The following PDS5A variants were observed in gnomAD, a reference collection of about 807,000 sequenced individuals.
PDS5A encodes the protein PDS5 cohesin associated factor A, also known as sister chromatid cohesion protein PDS5 homolog A.
PDS5A carries 42 observed loss-of-function variants against 167.1 expected under a neutral mutation model. The observed-to-expected ratio is 0.25, with a 90% CI of 0.20 to 0.33. The LOEUF is 0.33. Ranked by LOEUF, PDS5A falls within the 10% of genes least tolerant of loss-of-function variation. PDS5A has a pLI of 1.00. For synonymous variants in PDS5A, 553 were observed against 554.6 expected, an observed-to-expected ratio of 1.00 and a Z score of 0.04; for missense variants, 1,033 against 1,605.9, an observed-to-expected ratio of 0.64 and a Z score of 6.10.
At chr4:39,878,735 T>C (rs7679796) in intron 18 of PDS5A, among the ~76,000 whole-genome samples, 68,917 of 152,010 alleles carry the variant, frequency 0.45, 16,115 homozygotes, top group South Asian at 0.56. Context: ...TCAATTCTAT[T>C]AATGAAATGA....
At chr4:39,950,675 G>C (rs956868573) in intron 2 of PDS5A, among the ~76,000 whole-genome samples, 3 of 151,974 alleles carry the variant, frequency 2.0e-5, no homozygotes, top group African/African-American at 7.2e-5. Flanking sequence ...ACCTCTACCA[G>C]GTCATGGGTT....
Position 39,904,813 on chromosome 4 carries a change from G to C in PDS5A, c.1234-622C>G, listed in dbSNP as rs1723190856. ...TGAGTACCTAGAACTACAGGTTACT[G>C]ATTTTTTATTTCCCTTGAAAACTAT... is the stretch of plus-strand genomic sequence containing the variant. On this transcript the variant is annotated intron_variant, in intron 11 of 32. Coordinates refer to ENST00000303538, the MANE Select transcript of PDS5A (RefSeq NM_001100399.2). 5.9e-5 allele frequency among the ~76,000 whole-genome samples: 9 copies of C among 152,162 alleles called. 1 individual carries two copies. The highest frequency in any genetic ancestry group is 5.9e-4 in the Admixed American group (9 of 15,276).
At chr4:39,914,854 A>G (rs1000384177) in intron 8 of PDS5A, among the ~76,000 whole-genome samples, 4 of 152,322 alleles carry the variant, frequency 2.6e-5, no homozygotes, top group African/African-American at 9.6e-5. Flanking sequence ...GATATCCAAT[A>G]AACAAAATAG....
chr4:39,837,540 A>G (rs908380769), intron 32 of PDS5A: 7 of 168,198 alleles, frequency 4.2e-5, no homozygotes, highest in African/African-American at 1.6e-4. Context: ...GGTAGCCCTT[A>G]TTTTATGTAA....
At chr4:39,967,989 A>C (rs497603) in intron 2 of PDS5A, among the ~76,000 whole-genome samples, 127,522 of 152,158 alleles carry the variant, frequency 0.84, 53,554 homozygotes, top group Middle Eastern at 0.93. Context: ...AAGTAGCAAG[A>C]AAGAAAGAAA....
At chr4:39,968,733 G>C (rs939252804) in intron 2 of PDS5A, among the ~76,000 whole-genome samples, 1 of 150,912 alleles carries the variant, frequency 6.6e-6, no homozygotes, top group Non-Finnish European at 1.5e-5. Flanking sequence ...TGCCCGGCCT[G>C]TAATATGAAT....
chr4:39,825,367 G>A lies in PDS5A; in HGVS notation c.*118C>T, dbSNP rs1477384622. ...GTCTCTTTAGTTTTCAAGGCAGAGA[G>A]TGTGTGTTCTGAAGTGAGCTTCATT... On this transcript the variant is annotated 3_prime_UTR_variant, in exon 33 of 33. Transcript: ENST00000303538. The A allele has an allele frequency of 1.1e-5, 8 of 730,136 alleles. No homozygotes were observed. Among genetic ancestry groups the A allele is most frequent in the East Asian group, 2.8e-5 (1 of 35,630 alleles). 45.2% of individuals were successfully genotyped at this position (730,136 alleles called of 1,614,324 possible). A position where few individuals can be genotyped will look rare whatever the true frequency, so the allele number is the denominator to read the frequency against.
In PDS5A at chr4:39,867,062, TTTAA is replaced by T. The variant is rs1450700023; in HGVS notation, c.2506-69_2506-66del. 23 of 1,283,138 alleles carry T rather than the reference TTTAA, an allele frequency of 1.8e-5. No homozygotes were observed. In the Admixed American group the frequency reaches 5.5e-4, roughly 30 times the overall value. 79.5% of individuals were successfully genotyped at this position (1,283,138 alleles called of 1,614,324 possible). A position where few individuals can be genotyped will look rare whatever the true frequency, so the allele number is the denominator to read the frequency against. ...AAATTCCAATTAAAGGGAAAATTAA[TTTAA>T]TTAGATTAATGAGATTACTCATCTC... On this transcript the variant is annotated intron_variant, in intron 22 of 32. Coordinates refer to ENST00000303538, the MANE Select transcript of PDS5A (RefSeq NM_001100399.2).
At position 39,863,427 on chromosome 4, in the gene PDS5A, G is replaced by A; in HGVS notation, c.2675C>T (p.Ala892Val). The A allele has an allele frequency of 6.2e-7, 1 of 1,608,242 alleles. No individual in the cohort carries two copies. Among genetic ancestry groups the A allele is most frequent in the Non-Finnish European group, 8.5e-7 (1 of 1,176,282 alleles). The stretch of plus-strand genomic sequence containing the variant: ...AGCAAGCTTCATTATGGCACTACCA[G>A]CAGCTAATCGCAAGCGAGACATATC... ...KSDMSRLRLA[A>V]GSAIMKLAQE... is the part of the protein sequence containing the mutation. The change falls in exon 24 of 33, where the codon GCT becomes GTT. Residue 892 changes from alanine to valine, a missense_variant. Coordinates refer to ENST00000303538, the MANE Select transcript of PDS5A (RefSeq NM_001100399.2).
chr4:39,849,455 A>AAAAC, intron 27 of PDS5A, 65 bp downstream of exon 27: 2 of 1,162,926 alleles, frequency 1.7e-6, no homozygotes, highest in Non-Finnish European at 2.4e-6. Context: ...AAAAAAAAAA[A>AAAAC]ACCAAGTGGG....
rs768202935 is a variant in PDS5A at position 39,927,954 on chromosome 4, T to C, written c.342+7A>G. On this transcript the variant is annotated splice_region_variant and intron_variant, in intron 3 of 32. Transcript: ENST00000303538. Reference sequence around the variant, plus strand: ...AAATACAATAAAGTGAAAAAGGCTGTATTTACCTTAAGTTTATCATGGGAA... The same window carrying C: ...AAATACAATAAAGTGAAAAAGGCTGCATTTACCTTAAGTTTATCATGGGAA... 2 of 1,596,102 alleles carry C rather than the reference T, an allele frequency of 1.3e-6. No homozygotes were observed. The highest frequency in any genetic ancestry group is 3.3e-5 in the Admixed American group (2 of 59,954).
At chr4:39,924,687 A>G (rs1174723767) in intron 5 of PDS5A, among the ~76,000 whole-genome samples, 2 of 152,262 alleles carry the variant, frequency 1.3e-5, no homozygotes, top group African/African-American at 4.8e-5. Flanking sequence ...AATAACATAT[A>G]TTATCAATAT....
At position 39,898,514 on chromosome 4, in the gene PDS5A, G is replaced by A; in HGVS notation, c.1645C>T (p.Pro549Ser). Residue 549 changes from proline to serine, a missense_variant, in exon 16 of 33, where the codon CCC becomes TCC. Pro to Ser is a moderately conservative substitution (Grantham distance 74). Around this residue, in one of 4 missense-constraint regions of PDS5A, gnomAD observed 367 missense variants for 686.7 expected, o/e 0.53. Transcript: ENST00000303538. Reference protein sequence around the residue: ...LMTIAKNLPDPGKAQDFVKKF... With the variant: ...LMTIAKNLPDSGKAQDFVKKF... ...TTCACAAAATCTTGTGCTTTCCCGG[G>A]GTCAGGCAAATTCTCTATAAAATTA... is the stretch of plus-strand genomic sequence containing the variant. 1 of 1,578,998 alleles carries A rather than the reference G, an allele frequency of 6.3e-7. No individual in the cohort carries two copies. Among genetic ancestry groups the A allele is most frequent in the Non-Finnish European group, 8.6e-7 (1 of 1,164,226 alleles).
At chr4:39,969,666 C>A (rs753701766) in intron 2 of PDS5A, among the ~76,000 whole-genome samples, 10 of 149,930 alleles carry the variant, frequency 6.7e-5, no homozygotes, top group Middle Eastern at 3.4e-3. Context: ...AACTTGGTCT[C>A]AAAAAAAAGG....
intron 2 of PDS5A, among the ~76,000 whole-genome samples, chr4:39,939,156 A>G (rs767169635): frequency 4.0e-4 from 61 of 152,172 alleles, no homozygotes; most frequent in Non-Finnish European, 7.2e-4. Context: ...TTGAGCCTAG[A>G]TCAAGGCTAT....
chr4:39,917,226 T>C, intron 7 of PDS5A, 38 bp from the exon 8 acceptor site: 1 of 1,397,398 alleles, frequency 7.2e-7, no homozygotes, highest in Non-Finnish European at 9.7e-7. Flanking sequence ...AAACATCCAG[T>C]TCATTTAAAA....
chr4:39,830,921 T>C (rs1450081309), intron 32 of PDS5A, among the ~76,000 whole-genome samples: 5 of 152,258 alleles, frequency 3.3e-5, no homozygotes, highest in African/African-American at 4.8e-5. Flanking sequence ...CCCGTGATTA[T>C]TTCAAATAAA....
chr4:39,876,818 G>A (rs1345668519), intron 19 of PDS5A, among the ~76,000 whole-genome samples, 175 bp downstream of exon 19: 1 of 152,104 alleles, frequency 6.6e-6, no homozygotes, highest in Non-Finnish European at 1.5e-5. Flanking sequence ...TCTAATGGTG[G>A]GAGAGGGGTG....
intron 7 of PDS5A, among the ~76,000 whole-genome samples, chr4:39,918,746 A>C (rs1036438678): frequency 3.3e-5 from 5 of 152,118 alleles, no homozygotes; most frequent in African/African-American, 1.2e-4. Context: ...ACAGCCACTA[A>C]GGAGGCTGGA....
Sources: allele counts gnomAD v4.1 joint callset (sites outside exome capture counted in the v4.1 genomes callset), GRCh38; gene constraint gnomAD v4.1.1; regional missense constraint gnomAD v4.1.1; transcripts MANE v1.5; gene names NCBI Gene and HGNC (gene_info 2026-07-23, HGNC 2026-07-21).